The following CXCL12 variants were observed in gnomAD, a reference collection of about 807,000 sequenced individuals.
CXCL12 encodes stromal cell-derived factor 1.
Under a neutral mutation model 10.7 loss-of-function variants are expected in CXCL12, and 4 were observed. The observed-to-expected ratio is 0.37, with a 90% CI of 0.18 to 0.86. The LOEUF (loss-of-function observed/expected upper bound fraction) is 0.86. CXCL12 is among the 40% of genes least tolerant of loss of function. The probability of loss-of-function intolerance (pLI) is 0.43; values close to 1 mark genes in which losing one functional copy is unlikely to be tolerated. For missense variants in CXCL12, 122 were observed against 110.4 expected, an observed-to-expected ratio of 1.10 and a Z score of -0.47; for synonymous variants, 54 against 45.4, an observed-to-expected ratio of 1.19 and a Z score of -0.77.
chr10:44,370,905 G>A (rs533869371), downstream of CXCL12: 483 of 153,470 alleles, frequency 3.1e-3, no homozygotes, highest in Middle Eastern at 6.7e-3. Flanking sequence ...GCCAGTCAAC[G>A]AGCCTCTGGC....
chr10:44,373,389 C>A (rs371041436), downstream of CXCL12: 1,459 of 1,537,548 alleles, frequency 9.5e-4, 5 homozygotes, highest in Middle Eastern at 4.9e-3. Context: ...AGGTTCCCCC[C>A]ACACCCAGCC....
chr10:44,380,583 T>G (rs1217865890), intron 2 of CXCL12, 180 bp downstream of exon 2: 3 of 644,668 alleles, frequency 4.7e-6, no homozygotes. Flanking sequence ...CTTTTAAAAT[T>G]AATGCCTGGT....
chr10:44,380,929 G>T, intron 1 of CXCL12, 49 bp from the exon 2 acceptor site: 2 of 1,469,824 alleles, frequency 1.4e-6, no homozygotes, highest in Non-Finnish European at 1.9e-6. Context: ...GCCAGATTTT[G>T]GTAATGTGTG....
At chr10:44,371,279 T>C, downstream of CXCL12, 1 of 377,690 alleles carries the variant, frequency 2.6e-6, no homozygotes, top group Non-Finnish European at 5.2e-6. Flanking sequence ...CTTTCCTGAC[T>C]GTAGTCAAGA....
downstream of CXCL12, chr10:44,374,782 AC>A (rs1284124779): frequency 9.5e-6 from 4 of 422,848 alleles, no homozygotes; most frequent in Non-Finnish European, 1.9e-5. Flanking sequence ...TAAAATTATG[AC>A]CCAGGATCCG....
chr10:44,380,461 T>C (rs1334645106), intron 2 of CXCL12: 2 of 315,950 alleles, frequency 6.3e-6, no homozygotes, highest in Non-Finnish European at 1.2e-5. Flanking sequence ...AGCCAAAACC[T>C]TGGTGAAGCC....
intron 1 of CXCL12, among the ~76,000 whole-genome samples, 170 bp from the exon 2 acceptor site, chr10:44,381,050 G>A (rs932687549): frequency 6.6e-6 from 1 of 152,220 alleles, no homozygotes; most frequent in Non-Finnish European, 1.5e-5. Context: ...AGGCAACACA[G>A]TGAGTGCTGG....
At chr10:44,375,049 C>A (rs1350123964), downstream of CXCL12, among the ~76,000 whole-genome samples, 1 of 152,206 alleles carries the variant, frequency 6.6e-6, no homozygotes, top group Non-Finnish European at 1.5e-5. Context: ...GGCAGCTGTG[C>A]CCTGCAGCTG....
Position 44,377,187 on chromosome 10 carries a change from C to G in CXCL12, c.*1446G>C, listed in dbSNP as rs556358140. 1.0e-6 allele frequency: 1 copy of G among 986,634 alleles called. No homozygotes were observed. Among genetic ancestry groups the G allele is most frequent in the African/African-American group, 1.7e-5 (1 of 57,330 alleles). 61.1% of individuals were successfully genotyped at this position (986,634 alleles called of 1,614,324 possible). A position where few individuals can be genotyped will look rare whatever the true frequency, so the allele number is the denominator to read the frequency against. On this transcript the variant is annotated 3_prime_UTR_variant, in exon 3 of 3. Transcript: ENST00000343575. ...AGTGCATATAATGTCACATTTGATA[C>G]AATTTTAGTACAAGTGAAAAAATAC... is the stretch of plus-strand genomic sequence containing the variant.
exon 4 of CXCL12, chr10:44,370,507 G>A (rs755831068): frequency 1.5e-4 from 23 of 152,280 alleles, no homozygotes; most frequent in Admixed American, 6.5e-4. Flanking sequence ...TATTTCCCAG[G>A]AATGGGGCTC....
chr10:44,384,513 G>C (rs1306571977), intron 1 of CXCL12, among the ~76,000 whole-genome samples: 1 of 152,200 alleles, frequency 6.6e-6, no homozygotes, highest in Non-Finnish European at 1.5e-5. Flanking sequence ...GCCATGCACC[G>C]CCCGACCTCC....
At chr10:44,372,974 G>C (rs1588893577), downstream of CXCL12, 4 of 1,535,920 alleles carry the variant, frequency 2.6e-6, no homozygotes, top group Non-Finnish European at 3.5e-6. Flanking sequence ...ATGGGGCCAG[G>C]CTCCCTCAGC....
Position 44,378,284 on chromosome 10 carries a change from G to A in CXCL12, c.*349C>T, listed in dbSNP as rs773511085. ...TGAAGTACTCGTTGATTTAAAAAAT[G>A]AGAATGAGAATGATGATGATTGTGA... is the stretch of plus-strand genomic sequence containing the variant. On this transcript the variant is annotated 3_prime_UTR_variant, in exon 3 of 3. Coordinates refer to ENST00000343575, the MANE Select transcript of CXCL12 (RefSeq NM_199168.4). 2 of 1,468,032 alleles carry A rather than the reference G, an allele frequency of 1.4e-6. No individual in the cohort carries two copies. The highest frequency in any genetic ancestry group is 2.8e-5 in the African/African-American group (2 of 72,240). The allele number at this position is 1,468,032 out of a possible 1,614,324, so 90.9% of individuals were successfully genotyped here.
downstream of CXCL12, chr10:44,372,154 T>G (rs1163743261): frequency 6.6e-6 from 1 of 152,296 alleles, no homozygotes; most frequent in Non-Finnish European, 1.5e-5. Context: ...TTTTGTGGAC[T>G]GGGTTTTAAA....
At chr10:44,380,648 A>T in intron 2 of CXCL12, 115 bp downstream of exon 2, 1 of 874,482 alleles carries the variant, frequency 1.1e-6, no homozygotes. Flanking sequence ...TGCCAAGTTC[A>T]AGGTTGGACA....
At position 44,384,966 on chromosome 10, in the gene CXCL12, T is replaced by TCAGCACGAGGAC; in HGVS notation, c.28_39dup (p.Val10_Leu13dup). On this transcript the variant is annotated inframe_insertion, in exon 1 of 3. Transcript: ENST00000343575. ...TTACCGTCGCTGAGGCAGAGCGCGGTCAGCACGAGGACCAGCACGACCACG... is the reference window on the plus strand; with the variant it reads ...TTACCGTCGCTGAGGCAGAGCGCGGTCAGCACGAGGACCAGCACGAGGACCAGCACGACCACG... The TCAGCACGAGGAC allele has an allele frequency of 7.6e-7, 1 of 1,307,264 alleles. No individual in the cohort carries two copies. The highest frequency in any genetic ancestry group is 9.9e-7 in the Non-Finnish European group (1 of 1,009,726). The allele number at this position is 1,307,264 out of a possible 1,614,324, so 81.0% of individuals were successfully genotyped here.
chr10:44,373,331 C>G (rs1389544134), downstream of CXCL12: 2 of 1,608,030 alleles, frequency 1.2e-6, no homozygotes, highest in Admixed American at 3.4e-5. Context: ...GACCCTCTCA[C>G]ATCTTGAACC....
At chr10:44,375,216 G>A (rs1351466238), downstream of CXCL12, among the ~76,000 whole-genome samples, 3 of 152,192 alleles carry the variant, frequency 2.0e-5, no homozygotes, top group Non-Finnish European at 4.4e-5. Context: ...CCTGAGAAGT[G>A]TTTCCACATC....
At chr10:44,381,900 T>C (rs1839644649) in intron 1 of CXCL12, among the ~76,000 whole-genome samples, 2 of 152,166 alleles carry the variant, frequency 1.3e-5, no homozygotes, top group South Asian at 4.2e-4. Context: ...AGTTTGCCTG[T>C]TTACAAAGTT....
Sources: allele counts gnomAD v4.1 joint callset (sites outside exome capture counted in the v4.1 genomes callset), GRCh38; gene constraint gnomAD v4.1.1; transcripts MANE v1.5; gene names NCBI Gene and HGNC (gene_info 2026-07-23, HGNC 2026-07-21).